Variants in MALRD1 observed in about 807,000 individuals in gnomAD.
The protein encoded by MALRD1 is MAM and LDL-receptor class A domain-containing protein 1.
MALRD1 carries 247 observed loss-of-function variants against 242.1 expected under a neutral mutation model. That is an observed-to-expected ratio of 1.02 (90% CI 0.92 to 1.13). The LOEUF is 1.13. Among genes scored for constraint, MALRD1 ranks in the 50% most tolerant of loss-of-function variants. The pLI is 0.00. For missense variants in MALRD1, 2,989 were observed against 2,533.1 expected (o/e 1.18, Z -3.86); for synonymous variants, 995 against 866.6 (o/e 1.15, Z -2.60).
At chr10:19,360,164 A>G (rs888989948) in intron 26 of MALRD1, among the ~76,000 whole-genome samples, 6 of 152,248 alleles carry the variant, frequency 3.9e-5, no homozygotes, top group Non-Finnish European at 7.4e-5. Flanking sequence ...ATACATTACT[A>G]AAAGTATATG....
chr10:19,155,350 C>T (rs1834105270), intron 12 of MALRD1, among the ~76,000 whole-genome samples, 178 bp downstream of exon 12: 1 of 152,198 alleles, frequency 6.6e-6, no homozygotes, highest in Non-Finnish European at 1.5e-5. Context: ...ATTTGTAACA[C>T]ATAACTGGCA....
At chr10:19,058,149 G>T (rs2131217832) in intron 1 of MALRD1, among the ~76,000 whole-genome samples, 1 of 152,256 alleles carries the variant, frequency 6.6e-6, no homozygotes, top group East Asian at 1.9e-4. Flanking sequence ...ACGGTTTGAG[G>T]AAATGAGGCT....
At chr10:19,261,579 A>T (rs1242423144) in intron 19 of MALRD1, among the ~76,000 whole-genome samples, 3 of 151,554 alleles carry the variant, frequency 2.0e-5, no homozygotes, top group African/African-American at 4.8e-5. Flanking sequence ...TTAACTGATT[A>T]TTTGTTTATA....
Position 19,730,779 on chromosome 10 carries a change from G to A in MALRD1, c.6388G>A (p.Glu2130Lys). 1.3e-6 allele frequency: 2 copies of A among 1,536,556 alleles called. No homozygotes were observed. Among genetic ancestry groups the A allele is most frequent in the Non-Finnish European group, 1.7e-6 (2 of 1,146,936 alleles). The change falls in exon 39 of 40, where the codon GAG (glutamate) becomes AAG (lysine). Residue 2130 changes from glutamate to lysine, a missense_variant and splice_region_variant. By Grantham distance (56) the Glu-to-Lys change is moderately conservative. Transcript: ENST00000454679. ...GAACTGGAGCAACCCAGAGAAAACA[G>A]AGGTAAGTGGCAAGGGTGAACTATA... ...YGNWSNPEKT[E>K]SSVYSFSNPL...
chr10:19,437,600 G>T, intron 28 of MALRD1, among the ~76,000 whole-genome samples: 1 of 151,732 alleles, frequency 6.6e-6, no homozygotes, highest in East Asian at 1.9e-4. Flanking sequence ...CACATTGCTT[G>T]TCTTTTCACT....
chr10:19,224,586 C>T (rs959494351), intron 18 of MALRD1, among the ~76,000 whole-genome samples: 1 of 152,184 alleles, frequency 6.6e-6, no homozygotes, highest in African/African-American at 2.4e-5. Context: ...CCACCACGCC[C>T]AGCCTATGAT....
At chr10:19,414,150 T>C (rs909452827) in intron 28 of MALRD1, among the ~76,000 whole-genome samples, 7 of 152,264 alleles carry the variant, frequency 4.6e-5, no homozygotes, top group Non-Finnish European at 8.8e-5. Flanking sequence ...TATATAATTA[T>C]GTACTCTGTT....
intron 28 of MALRD1, among the ~76,000 whole-genome samples, chr10:19,409,603 TC>T (rs2130879485): frequency 6.6e-6 from 1 of 152,268 alleles, no homozygotes; most frequent in African/African-American, 2.4e-5. Context: ...ATGTTTTGTA[TC>T]TTGACTGTAT....
intron 2 of MALRD1, among the ~76,000 whole-genome samples, chr10:19,075,526 G>C (rs577505028): frequency 1.3e-5 from 2 of 152,156 alleles, no homozygotes; most frequent in African/African-American, 4.8e-5. Flanking sequence ...TAATACAGGG[G>C]CCTCTAAAAG....
At chr10:19,215,431 A>G (rs1322724425) in intron 18 of MALRD1, among the ~76,000 whole-genome samples, 1 of 152,180 alleles carries the variant, frequency 6.6e-6, no homozygotes, top group Non-Finnish European at 1.5e-5. Context: ...TTGCAAATTG[A>G]TATGGATGGT....
At chr10:19,639,212 A>T (rs534327251) in intron 36 of MALRD1, among the ~76,000 whole-genome samples, 55 of 152,312 alleles carry the variant, frequency 3.6e-4, no homozygotes, top group Non-Finnish European at 6.3e-4. Flanking sequence ...TTTCAGAAAA[A>T]GTATCCATTA....
At chr10:19,316,500 A>G (rs1384230837) in intron 21 of MALRD1, among the ~76,000 whole-genome samples, 2 of 151,926 alleles carry the variant, frequency 1.3e-5, no homozygotes, top group Admixed American at 6.6e-5. Context: ...TTTACATTCT[A>G]AAATCCCACA....
In MALRD1 at chr10:19,331,463, A is replaced by G. The variant is rs1401244064; in HGVS notation, c.3782A>G (p.Glu1261Gly). The change falls in exon 24 of 40, where the codon GAG becomes GGG. Residue 1261 changes from glutamate (E) to glycine (G), a missense_variant. By Grantham distance (98) the Glu-to-Gly change is moderately conservative. Coordinates refer to ENST00000454679, the MANE Select transcript of MALRD1 (RefSeq NM_001142308.3). ...GATTGCTCCCCTTTGCTTAGCCCAG[A>G]GAGAAAGTGTACTGATCATGAATTC... Reference protein sequence around the residue: ...FQDCSPLLSPERKCTDHEFMC... With the variant: ...FQDCSPLLSPGRKCTDHEFMC... 6.4e-7 allele frequency: 1 copy of G among 1,550,480 alleles called. No homozygotes were observed. Among genetic ancestry groups the G allele is most frequent in the Non-Finnish European group, 8.7e-7 (1 of 1,146,898 alleles).
intron 11 of MALRD1, among the ~76,000 whole-genome samples, chr10:19,151,810 G>T (rs1833956049): frequency 6.6e-6 from 1 of 152,068 alleles, no homozygotes; most frequent in Admixed American, 6.6e-5. Flanking sequence ...TGTCTATAAG[G>T]TAAATTGATT....
intron 11 of MALRD1, among the ~76,000 whole-genome samples, chr10:19,148,788 A>ATATATATATATATAT (rs1554797975): frequency 1.5e-4 from 13 of 88,012 alleles, no homozygotes; most frequent in Non-Finnish European, 2.0e-4. Context: ...AAAAAAAAAA[A>ATATATATATATATAT]ATATATATAT....
intron 39 of MALRD1, among the ~76,000 whole-genome samples, chr10:19,731,955 G>T (rs1835313508): frequency 6.6e-6 from 1 of 152,142 alleles, no homozygotes; most frequent in South Asian, 2.1e-4. Context: ...GAGTGCTGTG[G>T]CCGAAGCCTA....
At chr10:19,327,441 C>T (rs1287088546) in intron 22 of MALRD1, 122 bp from the exon 23 acceptor site, 1 of 642,588 alleles carries the variant, frequency 1.6e-6, no homozygotes, top group African/African-American at 1.8e-5. Context: ...CTTAGCTCTT[C>T]TCTCCAGGAC....
intron 29 of MALRD1, among the ~76,000 whole-genome samples, chr10:19,486,393 GCTTAGGACTTTT>G (rs1837239019): frequency 6.6e-6 from 1 of 152,082 alleles, no homozygotes; most frequent in Non-Finnish European, 1.5e-5. Flanking sequence ...ATGTTTACTT[GCTTAGGACTTTT>G]CTTAGATATG....
chr10:19,667,025 C>A (rs766270216), intron 36 of MALRD1, among the ~76,000 whole-genome samples: 5 of 152,116 alleles, frequency 3.3e-5, no homozygotes, highest in Admixed American at 6.6e-5. Context: ...CTGGATGAAA[C>A]ACTAAATGGG....
Sources: allele counts gnomAD v4.1 joint callset (sites outside exome capture counted in the v4.1 genomes callset), GRCh38; gene constraint gnomAD v4.1.1; transcripts MANE v1.5; gene names NCBI Gene and HGNC (gene_info 2026-07-23, HGNC 2026-07-21).